Variants in PCDHGA2 observed in about 807,000 individuals in gnomAD.
The protein encoded by PCDHGA2 is protocadherin gamma subfamily A, 2.
PCDHGA2 carries 40 observed loss-of-function variants against 59.2 expected under a neutral mutation model. The observed-to-expected ratio is 0.68, with a 90% CI of 0.52 to 0.88. PCDHGA2 has a LOEUF of 0.88. Among genes scored for constraint, PCDHGA2 ranks in the 40% least tolerant of loss-of-function variants. The pLI, the probability that PCDHGA2 is intolerant of heterozygous loss-of-function variation, is 0.00. For synonymous variants in PCDHGA2, 560 were observed against 526.0 expected (o/e 1.06, Z -0.89); for missense variants, 1,226 against 1,204.0 (o/e 1.02, Z -0.27).
chr5:141,346,371 A>T, intron 1 of PCDHGA2: 1 of 1,613,258 alleles, frequency 6.2e-7, no homozygotes, highest in South Asian at 1.1e-5. Context: ...GGACACGCTC[A>T]TCAGCCAGGA....
intron 1 of PCDHGA2, chr5:141,427,831 G>T: frequency 7.1e-6 from 11 of 1,539,366 alleles, no homozygotes; most frequent in Non-Finnish European, 9.8e-6. Context: ...GTCGCGCAGC[G>T]TGCCTTCGAC....
Position 141,491,743 on chromosome 5 carries a change from A to G in PCDHGA2, c.2425-3064A>G, listed in dbSNP as rs752434173. ...GCCCCGGGCGACCCCTGGGGGCGGC[A>G]CTGGAGAAGCCGCCCGTCCTCATAA... On this transcript the variant is annotated intron_variant, in intron 1 of 3. Transcript: ENST00000394576. The surrounding 1 kb of genome is among the most constrained non-coding windows in gnomAD (Gnocchi z 6.9). 5.0e-6 allele frequency: 8 copies of G among 1,595,570 alleles called. No individual in the cohort carries two copies. In the Admixed American group the frequency reaches 1.4e-4, roughly 28 times the overall value.
At chr5:141,439,571 G>T (rs1010967112) in intron 1 of PCDHGA2, among the ~76,000 whole-genome samples, 4 of 152,154 alleles carry the variant, frequency 2.6e-5, no homozygotes, top group Non-Finnish European at 4.4e-5. Flanking sequence ...CTAGAGTAGG[G>T]ACTCAGAGTG....
chr5:141,399,355 C>A (rs1437917208), intron 1 of PCDHGA2: 1 of 1,614,006 alleles, frequency 6.2e-7, no homozygotes, highest in South Asian at 1.1e-5. Flanking sequence ...AGACCGAGAG[C>A]AAACCCCGGA....
intron 1 of PCDHGA2, chr5:141,385,477 T>C: frequency 7.0e-7 from 1 of 1,433,254 alleles, no homozygotes; most frequent in Non-Finnish European, 9.1e-7. Context: ...GACACTTTAA[T>C]ATAGAACACA....
At chr5:141,391,397 C>T (rs1341257748) in intron 1 of PCDHGA2, 1 of 151,598 alleles carries the variant, frequency 6.6e-6, no homozygotes, top group African/African-American at 2.4e-5. Flanking sequence ...CCTCCAGCCT[C>T]AAACTCCTGG....
chr5:141,346,246 C>G (rs767979192), intron 1 of PCDHGA2: 1 of 1,614,200 alleles, frequency 6.2e-7, no homozygotes, highest in South Asian at 1.1e-5. Flanking sequence ...ACGCCCGGCT[C>G]GCACTTTGTG....
chr5:141,341,536 T>C (rs1056943929), intron 1 of PCDHGA2, 141 bp downstream of exon 1: 2 of 1,476,684 alleles, frequency 1.4e-6, no homozygotes, highest in South Asian at 2.8e-5. Flanking sequence ...GAATTATTTC[T>C]TGGTAGGTCT....
chr5:141,408,725 A>G, intron 1 of PCDHGA2: 1 of 1,610,988 alleles, frequency 6.2e-7, no homozygotes, highest in Non-Finnish European at 8.5e-7. Context: ...GATAAACTCT[A>G]ATCCTTATTT....
rs371079504 is a variant in PCDHGA2, at chr5:141,422,041, G to C, written c.2425-72766G>C. 9 of 1,611,514 alleles carry C rather than the reference G, an allele frequency of 5.6e-6. No homozygotes were observed. The highest frequency in any genetic ancestry group is 5.9e-6 in the Non-Finnish European group (7 of 1,179,230). On this transcript the variant is annotated intron_variant, in intron 1 of 3. Transcript: ENST00000394576. ...GATGGTTAATGCAACGGATCCAGAC[G>C]AGGGAATCAACGGGGAAGTAATGTA...
chr5:141,365,223 T>C (rs1561533548), intron 1 of PCDHGA2: 7 of 1,613,924 alleles, frequency 4.3e-6, no homozygotes, highest in Non-Finnish European at 5.9e-6. Context: ...GATTCCAACC[T>C]GGGGGAAATC....
chr5:141,344,016 C>G, intron 1 of PCDHGA2: 1 of 1,513,186 alleles, frequency 6.6e-7, no homozygotes, highest in Non-Finnish European at 8.8e-7. Flanking sequence ...TCAGAGAAAG[C>G]GATTCACCGA....
chr5:141,453,465 A>G (rs1167340749), intron 1 of PCDHGA2, among the ~76,000 whole-genome samples: 2 of 152,098 alleles, frequency 1.3e-5, no homozygotes, highest in African/African-American at 4.8e-5. Flanking sequence ...AAACATTAAC[A>G]TAAAGTCAAA....
At chr5:141,362,244 C>G (rs1380837904) in intron 1 of PCDHGA2, 2 of 1,613,944 alleles carry the variant, frequency 1.2e-6, no homozygotes, top group Non-Finnish European at 8.5e-7. Flanking sequence ...CAGTGCTCTT[C>G]TTCCTCGCGG....
chr5:141,361,338 T>C, intron 1 of PCDHGA2: 2 of 1,613,948 alleles, frequency 1.2e-6, no homozygotes, highest in Non-Finnish European at 1.7e-6. Context: ...CAAAGAACTA[T>C]TACAAACTAG....
chr5:141,408,833 A>G, intron 1 of PCDHGA2: 1 of 1,613,704 alleles, frequency 6.2e-7, no homozygotes, highest in Non-Finnish European at 8.5e-7. Context: ...TCATAGCTTG[A>G]TATTGACTGC....
intron 1 of PCDHGA2, among the ~76,000 whole-genome samples, chr5:141,357,949 G>T (rs1020831808): frequency 1.3e-5 from 2 of 152,118 alleles, no homozygotes; most frequent in Non-Finnish European, 2.9e-5. Flanking sequence ...TAACACTTTG[G>T]GAGTGTGAGG....
chr5:141,386,463 C>T (rs2090584678), intron 1 of PCDHGA2, among the ~76,000 whole-genome samples: 1 of 152,034 alleles, frequency 6.6e-6, no homozygotes, highest in Admixed American at 6.6e-5. Context: ...ACAGCTTGAA[C>T]CCAAGAATTG....
chr5:141,374,955 T>C (rs1213878932), intron 1 of PCDHGA2: 2 of 1,613,888 alleles, frequency 1.2e-6, no homozygotes. Flanking sequence ...ATCTCACAAA[T>C]TTTCTGTTTG....
Sources: allele counts gnomAD v4.1 joint callset (sites outside exome capture counted in the v4.1 genomes callset), GRCh38; gene constraint gnomAD v4.1.1; non-coding constraint Gnocchi (gnomAD v3.1); transcripts MANE v1.5; gene names NCBI Gene and HGNC (gene_info 2026-07-23, HGNC 2026-07-21).